Variants in ANK2 observed in about 807,000 individuals in gnomAD.
The protein encoded by ANK2 is ankyrin-2.
In ANK2, 83 loss-of-function variants were observed where a neutral mutation model predicts 360.5. The ratio of observed to expected loss-of-function variants is 0.23; its 90% confidence interval spans 0.19 to 0.28. The LOEUF (loss-of-function observed/expected upper bound fraction) is 0.28, where lower values mean the gene tolerates loss of function less well. Ranked by LOEUF, ANK2 falls within the 10% of genes least tolerant of loss-of-function variation. The pLI, the probability that ANK2 is intolerant of heterozygous loss-of-function variation, is 1.00. For synonymous variants in ANK2, 1,740 were observed against 1,759.5 expected (o/e 0.99, Z 0.28); for missense variants, 4,201 against 4,795.7 (o/e 0.88, Z 3.66).
In ANK2 at chr4:113,201,431, T is replaced by C. The variant is rs369751420; in HGVS notation, c.384+2322T>C. On this transcript the variant is annotated intron_variant, in intron 4 of 45. Coordinates refer to ENST00000357077, the MANE Select transcript of ANK2 (RefSeq NM_001148.6). ...GGACCACATTTCTGAACTATGGCTT[T>C]AGCAAATGTGAGGGGAAACTGGGTG... Among the ~76,000 whole-genome samples the C allele has an allele frequency of 5.8e-4, 89 of 152,298 alleles. No individual in the cohort carries two copies. In the East Asian group the frequency reaches 0.014, roughly 24 times the overall value.
At position 113,360,815 on chromosome 4, in the gene ANK2, T is replaced by C. The variant is rs2154036877; in HGVS notation, c.10682-8T>C. 6.2e-7 allele frequency: 1 copy of C among 1,611,806 alleles called. No homozygotes were observed. The highest frequency in any genetic ancestry group is 2.2e-5 in the East Asian group (1 of 44,726). The stretch of plus-strand genomic sequence containing the variant: ...ACCTTTGGCCATTCTGTTTTTGACC[T>C]TCTCCAGATCCACAGGATGAGCAGG... On this transcript the variant is annotated splice_region_variant and splice_polypyrimidine_tract_variant and intron_variant, in intron 38 of 45. Coordinates refer to ENST00000357077, the MANE Select transcript of ANK2 (RefSeq NM_001148.6).
intron 2 of ANK2, among the ~76,000 whole-genome samples, chr4:112,971,767 G>T (rs1409165016): frequency 1.3e-5 from 2 of 152,170 alleles, no homozygotes; most frequent in Non-Finnish European, 2.9e-5. Flanking sequence ...ACACGCCATG[G>T]TCCTCAAAAA....
At chr4:113,146,659 A>C (rs111537910) in intron 1 of ANK2, among the ~76,000 whole-genome samples, 2,534 of 148,912 alleles carry the variant, frequency 0.017, 34 homozygotes, top group Middle Eastern at 0.089. Flanking sequence ...TAAAATGGGT[A>C]CAAAGGCTTA....
chr4:112,950,035 T>G lies in ANK2; in HGVS notation c.21+45521T>G, dbSNP rs374294152. ...TTCAGTCTTGCAAATAATTCACTTT[T>G]TTGGTCTGCTTGGAATGCTTTCCCC... On this transcript the variant is annotated intron_variant, in intron 2 of 30. Transcript: ENST00000503271. Among the ~76,000 whole-genome samples the G allele has an allele frequency of 2.4e-3, 371 of 152,346 alleles. 1 individual carries two copies. Among genetic ancestry groups the G allele is most frequent in the African/African-American group, 8.4e-3 (350 of 41,586 alleles).
chr4:112,867,483 T>G (rs774258945), intron 1 of ANK2, among the ~76,000 whole-genome samples: 1 of 152,110 alleles, frequency 6.6e-6, no homozygotes, highest in Non-Finnish European at 1.5e-5. Context: ...TTCACAGAGT[T>G]GTACAACCAC....
intron 26 of ANK2, among the ~76,000 whole-genome samples, chr4:113,319,875 T>C (rs1482506501): frequency 6.6e-6 from 1 of 152,158 alleles, no homozygotes; most frequent in African/African-American, 2.4e-5. Context: ...GAAAAAGACC[T>C]GGATGTAGAG....
At chr4:113,008,966 G>A (rs756079507) in intron 2 of ANK2, among the ~76,000 whole-genome samples, 15 of 152,212 alleles carry the variant, frequency 9.9e-5, no homozygotes, top group East Asian at 3.9e-4. Context: ...TGCTTCACTC[G>A]TGGGGCCTCA....
chr4:112,782,121 C>T, the ANK2 span, among the ~76,000 whole-genome samples: 1 of 152,078 alleles, frequency 6.6e-6, no homozygotes, highest in Admixed American at 6.5e-5. Flanking sequence ...AGCCACCGCG[C>T]CCAGCCTGGG....
At chr4:113,129,889 A>G (rs1345828038) in intron 1 of ANK2, among the ~76,000 whole-genome samples, 1 of 152,210 alleles carries the variant, frequency 6.6e-6, no homozygotes, top group African/African-American at 2.4e-5. Context: ...GATATTAACT[A>G]CATGATGTTG....
chr4:113,160,865 A>G (rs17590593), intron 1 of ANK2, among the ~76,000 whole-genome samples: 47,826 of 152,106 alleles, frequency 0.31, 7,842 homozygotes, highest in East Asian at 0.46. Flanking sequence ...GGACCCCGGA[A>G]TAAATGGACT....
At chr4:112,833,250 T>C (rs2060197635) in intron 1 of ANK2, among the ~76,000 whole-genome samples, 2 of 152,308 alleles carry the variant, frequency 1.3e-5, no homozygotes, top group Admixed American at 1.3e-4. Flanking sequence ...GAGGAAATAA[T>C]ACGCTGAAAT....
At position 113,357,753 on chromosome 4, in the gene ANK2, G is replaced by C; in HGVS notation, c.9135G>C (p.Trp3045Cys). 6.2e-7 allele frequency: 1 copy of C among 1,614,084 alleles called. No individual in the cohort carries two copies. Among genetic ancestry groups the C allele is most frequent in the Non-Finnish European group, 8.5e-7 (1 of 1,179,966 alleles). ...AAACTGATGTGGATTCTGATTCTTGGAGTGAAATTCGGGAAGACGATGAAG... is the reference window on the plus strand; with the variant it reads ...AAACTGATGTGGATTCTGATTCTTGCAGTGAAATTCGGGAAGACGATGAAG... The part of the protein sequence containing the change: ...ITKTDVDSDS[W>C]SEIREDDEAF... Residue 3045 changes from tryptophan (W) to cysteine (C), a missense_variant, in exon 38 of 46, where the codon TGG (tryptophan) becomes TGC (cysteine). Around this residue, in one of 4 missense-constraint regions of ANK2, gnomAD observed 2,642 missense variants for 2,714.5 expected, o/e 0.97. Transcript: ENST00000357077.
At chr4:112,902,328 T>G (rs2083704764) in intron 1 of ANK2, among the ~76,000 whole-genome samples, 1 of 152,222 alleles carries the variant, frequency 6.6e-6, no homozygotes, top group African/African-American at 2.4e-5. Context: ...GATGGAACAC[T>G]TTGCTCAGCA....
chr4:112,978,595 C>CT (rs1323709788), intron 2 of ANK2, among the ~76,000 whole-genome samples: 1 of 152,172 alleles, frequency 6.6e-6, no homozygotes, highest in Non-Finnish European at 1.5e-5. Context: ...TTGTGCCTGC[C>CT]TTATTTCACT....
chr4:112,950,159 T>G (rs1263413653), intron 2 of ANK2, among the ~76,000 whole-genome samples: 1 of 152,134 alleles, frequency 6.6e-6, no homozygotes, highest in Admixed American at 6.5e-5. Flanking sequence ...CTTACCTGCC[T>G]CTCTCTATTT....
At chr4:112,946,281 G>A (rs1175635997) in intron 2 of ANK2, among the ~76,000 whole-genome samples, 3 of 152,272 alleles carry the variant, frequency 2.0e-5, no homozygotes, top group Admixed American at 1.3e-4. Flanking sequence ...TGCCTGTGGT[G>A]GGGTGGAGGA....
chr4:112,791,458 CTCTTACT>C, the ANK2 span, among the ~76,000 whole-genome samples: 1 of 128,352 alleles, frequency 7.8e-6, no homozygotes, highest in Non-Finnish European at 1.6e-5. Context: ...TAAAGAAAGC[CTCTTACT>C]TCTTCTTCTT....
At chr4:113,296,964 ATAT>A (rs941229499) in intron 22 of ANK2, among the ~76,000 whole-genome samples, 72 of 152,336 alleles carry the variant, frequency 4.7e-4, no homozygotes, top group African/African-American at 1.7e-3. Context: ...TAAAATAAAA[ATAT>A]TATCTTATAT....
intron 2 of ANK2, among the ~76,000 whole-genome samples, chr4:112,953,428 A>G (rs1476157076): frequency 2.0e-5 from 3 of 152,352 alleles, no homozygotes; most frequent in South Asian, 4.1e-4. Context: ...CTCTTATGAC[A>G]TTCGAAGTAG....
Sources: allele counts gnomAD v4.1 joint callset (sites outside exome capture counted in the v4.1 genomes callset), GRCh38; gene constraint gnomAD v4.1.1; regional missense constraint gnomAD v4.1.1; transcripts MANE v1.5; gene names NCBI Gene and HGNC (gene_info 2026-07-23, HGNC 2026-07-21).